The following NF1 variants were observed in gnomAD, a reference collection of about 807,000 sequenced individuals.
NF1 encodes neurofibromin 1.
A neutral mutation model predicts 325.7 loss-of-function variants in NF1; 122 were observed. That is an observed-to-expected ratio of 0.37 (90% CI 0.32 to 0.44). NF1 has a LOEUF of 0.44. NF1 is among the 20% of genes least tolerant of loss of function. The probability of loss-of-function intolerance (pLI) is 1.00; values close to 1 mark genes in which losing one functional copy is unlikely to be tolerated. For missense variants in NF1, 2,140 were observed against 3,415.4 expected (o/e 0.63, Z 9.31); for synonymous variants, 1,091 against 1,186.0 (o/e 0.92, Z 1.65).
chr17:31,203,987 C>G (rs994443673), intron 11 of NF1, among the ~76,000 whole-genome samples: 3 of 151,956 alleles, frequency 2.0e-5, no homozygotes, highest in African/African-American at 7.3e-5. Context: ...TATTATAATG[C>G]AGGTTCCTAG....
intron 36 of NF1, among the ~76,000 whole-genome samples, chr17:31,315,649 CTT>C: frequency 6.6e-6 from 1 of 152,284 alleles, no homozygotes; most frequent in Middle Eastern, 3.4e-3. Flanking sequence ...CCTTTCCTCT[CTT>C]GAAAAATGGA....
Position 31,260,386 on chromosome 17 carries a change from C to T in NF1, c.4448C>T (p.Ala1483Val), listed in dbSNP as rs564989006. The change falls in exon 34 of 58, where the codon GCA becomes GTA. Residue 1483 changes from alanine (A) to valine (V), a missense_variant. Transcript: ENST00000358273. ...DAARRFFLDIASDCPTSDAVN... is the reference protein window; with the variant it reads ...DAARRFFLDIVSDCPTSDAVN... ...TTTTGAAGGTTTTTCCTTGATATAG[C>T]ATCTGATTGTCCTACAAGTGATGCA... 6.2e-7 allele frequency: 1 copy of T among 1,613,904 alleles called. No individual in the cohort carries two copies. Among genetic ancestry groups the T allele is most frequent in the African/African-American group, 1.3e-5 (1 of 75,046 alleles).
Position 31,320,343 on chromosome 17 carries a change from T to TTAAAA in NF1, c.4836-5477_4836-5476insTAAAA, listed in dbSNP as rs398041633. On this transcript the variant is annotated intron_variant, in intron 36 of 57. Transcript: ENST00000358273. ...AAATGTACTTAGGAGTCCTTTTATT[T>TTAAAA]AAAAAAAAAAAAAAAAGGCAGATTC... 25 of 1,176,248 alleles carry TTAAAA rather than the reference T, an allele frequency of 2.1e-5. 4 individuals are homozygous for TTAAAA. The highest frequency in any genetic ancestry group is 1.0e-4 in the Admixed American group (4 of 38,886). The allele number at this position is 1,176,248 out of a possible 1,614,324, so 72.9% of individuals were successfully genotyped here.
At position 31,358,642 on chromosome 17, in the gene NF1, GA is replaced by G. The variant is rs563852879; in HGVS notation, c.8113+22del. ...TGCAAAGTAAATAAATGTATCTGGA[GA>G]AGGATGGTTGATGAACTTGCTAACA... On this transcript the variant is annotated intron_variant, in intron 55 of 57. Coordinates refer to ENST00000358273, the MANE Select transcript of NF1 (RefSeq NM_001042492.3). The G allele has an allele frequency of 5.9e-4, 950 of 1,613,884 alleles. 2 individuals carry two copies. In the African/African-American group the frequency reaches 0.011, roughly 18 times the overall value.
chr17:31,129,289 CTCTT>C (rs1915149702), intron 1 of NF1, among the ~76,000 whole-genome samples: 1 of 152,086 alleles, frequency 6.6e-6, no homozygotes, highest in South Asian at 2.1e-4. Flanking sequence ...TATATTTAGT[CTCTT>C]TATATAATTT....
chr17:31,157,232 G>A (rs763873491), intron 2 of NF1, among the ~76,000 whole-genome samples: 2 of 152,006 alleles, frequency 1.3e-5, no homozygotes, highest in African/African-American at 4.8e-5. Flanking sequence ...TAGGTGATCC[G>A]CCTGCCTCGG....
intron 1 of NF1, among the ~76,000 whole-genome samples, chr17:31,116,437 A>T (rs1167421923): frequency 6.6e-6 from 1 of 152,080 alleles, no homozygotes; most frequent in Non-Finnish European, 1.5e-5. Context: ...GAAATAATAT[A>T]AATGTTCAGA....
chr17:31,176,842 C>G (rs1204606583), intron 5 of NF1, among the ~76,000 whole-genome samples: 1 of 152,026 alleles, frequency 6.6e-6, no homozygotes, highest in East Asian at 1.9e-4. Context: ...ATTTCTGAGG[C>G]CTCTGTTCTG....
At chr17:31,220,058 T>C (rs1473107477) in intron 14 of NF1, among the ~76,000 whole-genome samples, 4 of 152,222 alleles carry the variant, frequency 2.6e-5, no homozygotes, top group Non-Finnish European at 5.9e-5. Flanking sequence ...CTTAAGTATA[T>C]AGGAGTGGAA....
At chr17:31,145,030 T>C (rs1916492118) in intron 1 of NF1, among the ~76,000 whole-genome samples, 1 of 152,220 alleles carries the variant, frequency 6.6e-6, no homozygotes, top group Non-Finnish European at 1.5e-5. Context: ...TTCTTGAATC[T>C]CTGACCGCAT....
At chr17:31,285,749 C>G (rs1401376882) in intron 36 of NF1, among the ~76,000 whole-genome samples, 2 of 151,850 alleles carry the variant, frequency 1.3e-5, no homozygotes, top group Non-Finnish European at 2.9e-5. Context: ...AGGCTGAGAT[C>G]GGAGAATCAC....
intron 36 of NF1, among the ~76,000 whole-genome samples, chr17:31,286,378 C>G (rs2068227455): frequency 6.6e-6 from 1 of 152,172 alleles, no homozygotes; most frequent in Non-Finnish European, 1.5e-5. Flanking sequence ...CGTGAGCCAC[C>G]ACACCCAGCC....
chr17:31,215,185 A>G (rs17884278), intron 13 of NF1, among the ~76,000 whole-genome samples: 2,256 of 152,222 alleles, frequency 0.015, 50 homozygotes, highest in African/African-American at 0.05. Context: ...TGGAGCAGTG[A>G]TGGCTCACTG....
In NF1 at chr17:31,206,350, C is replaced by T. The variant is rs1318894606; in HGVS notation, c.1371C>T (p.His457=). ...LHKAVQGCGA[H]PAIRMAPSLT... ...AAGCAGTGCAAGGTTGTGGAGCACA[C>T]CCAGCAATACGAATGGCACCGGTAA... Residue 457 remains histidine (H), a synonymous_variant, in exon 12 of 58, where the codon CAC becomes CAT. Transcript: ENST00000358273. 1.2e-6 allele frequency: 2 copies of T among 1,613,720 alleles called. No homozygotes were observed. Among genetic ancestry groups the T allele is most frequent in the South Asian group, 2.2e-5 (2 of 91,078 alleles).
intron 48 of NF1, among the ~76,000 whole-genome samples, chr17:31,343,362 T>C (rs1458360074): frequency 6.6e-6 from 1 of 151,874 alleles, no homozygotes; most frequent in African/African-American, 2.4e-5. Context: ...CTGGGCAACA[T>C]AGTGAGACTT....
At chr17:31,366,213 C>G (rs1398836668) in intron 57 of NF1, among the ~76,000 whole-genome samples, 1 of 152,162 alleles carries the variant, frequency 6.6e-6, no homozygotes, top group Non-Finnish European at 1.5e-5. Flanking sequence ...GAATTACAGG[C>G]ATGAGCCACC....
At chr17:31,116,122 T>C (rs1328106046) in intron 1 of NF1, among the ~76,000 whole-genome samples, 1 of 152,188 alleles carries the variant, frequency 6.6e-6, no homozygotes, top group African/African-American at 2.4e-5. Context: ...ACTAATTTTG[T>C]TGAAATCTAC....
chr17:31,173,568 A>C (rs1472828393), intron 5 of NF1, among the ~76,000 whole-genome samples: 2 of 150,642 alleles, frequency 1.3e-5, no homozygotes, highest in African/African-American at 4.9e-5. Context: ...ATTGCACTCC[A>C]GCTTGGACAA....
In NF1 at chr17:31,150,095, G is replaced by A. The variant is rs568028534; in HGVS notation, c.61-5888G>A. ...AAATTTTATACAGGTCGAGTATCCC[G>A]TATCTGAAATGCTTGGGACCAGAAG... On this transcript the variant is annotated intron_variant, in intron 1 of 57. Coordinates refer to ENST00000358273, the MANE Select transcript of NF1 (RefSeq NM_001042492.3). 6.6e-5 allele frequency among the ~76,000 whole-genome samples: 10 copies of A among 152,242 alleles called. No individual in the cohort carries two copies. In the East Asian group the frequency reaches 1.5e-3, roughly 23 times the overall value.
Sources: allele counts gnomAD v4.1 joint callset (sites outside exome capture counted in the v4.1 genomes callset), GRCh38; gene constraint gnomAD v4.1.1; transcripts MANE v1.5; gene names NCBI Gene and HGNC (gene_info 2026-07-23, HGNC 2026-07-21).